Variants in ZNF536 observed in about 807,000 individuals in gnomAD.
ZNF536 encodes zinc finger protein 536.
ZNF536 carries 13 observed loss-of-function variants against 84.5 expected under a neutral mutation model. The observed-to-expected ratio is 0.15, with a 90% CI of 0.10 to 0.24. The LOEUF (loss-of-function observed/expected upper bound fraction) is 0.24. Among genes scored for constraint, ZNF536 ranks in the 10% least tolerant of loss-of-function variants. ZNF536 has a pLI of 1.00. For synonymous variants in ZNF536, 811 were observed against 742.5 expected (o/e 1.09, Z -1.50); for missense variants, 1,536 against 1,747.5 (o/e 0.88, Z 2.16).
At chr19:30,592,358 G>A (rs996439874) in intron 1 of ZNF536, among the ~76,000 whole-genome samples, 9 of 152,112 alleles carry the variant, frequency 5.9e-5, no homozygotes, top group South Asian at 2.1e-4. Context: ...TTCCCCTTCC[G>A]GCAACTTATT....
intron 1 of ZNF536, among the ~76,000 whole-genome samples, chr19:30,244,311 T>G (rs879266541): frequency 1.3e-5 from 2 of 151,550 alleles, no homozygotes; most frequent in Non-Finnish European, 1.5e-5. Flanking sequence ...CCCCCACCCC[T>G]CAGGTGCTGT....
At chr19:30,532,015 T>G (rs1000106648) in intron 2 of ZNF536, among the ~76,000 whole-genome samples, 8 of 152,210 alleles carry the variant, frequency 5.3e-5, no homozygotes, top group African/African-American at 1.9e-4. Flanking sequence ...TCCTGCAGCT[T>G]TATTCCACAG....
intron 4 of ZNF536, among the ~76,000 whole-genome samples, chr19:30,550,042 G>T (rs774042859): frequency 1.3e-5 from 2 of 152,214 alleles, no homozygotes; most frequent in Non-Finnish European, 2.9e-5. Context: ...CAAAGAGGGA[G>T]ATGGTTTCTG....
chr19:30,545,559 G>A (rs1416783040), intron 3 of ZNF536, among the ~76,000 whole-genome samples: 8 of 151,584 alleles, frequency 5.3e-5, no homozygotes, highest in African/African-American at 1.7e-4. Flanking sequence ...CACCACGCCC[G>A]GCTAATTGTT....
intron 2 of ZNF536, among the ~76,000 whole-genome samples, chr19:30,486,290 C>A (rs2054298896): frequency 6.6e-6 from 1 of 152,140 alleles, no homozygotes; most frequent in Non-Finnish European, 1.5e-5. Flanking sequence ...TGTGTTGTTC[C>A]CCTCCCTGTG....
intron 2 of ZNF536, among the ~76,000 whole-genome samples, chr19:30,347,383 A>T (rs2047779999): frequency 6.6e-6 from 1 of 152,180 alleles, no homozygotes; most frequent in Non-Finnish European, 1.5e-5. Flanking sequence ...AGAACATTTG[A>T]TAGAGGTGGA....
At chr19:30,636,772 T>A (rs2147291061) in intron 1 of ZNF536, among the ~76,000 whole-genome samples, 1 of 152,252 alleles carries the variant, frequency 6.6e-6, no homozygotes, top group East Asian at 1.9e-4. Flanking sequence ...TAGAGTGGGA[T>A]CATTTTCTGG....
chr19:30,282,682 G>A (rs2045492211), intron 1 of ZNF536, among the ~76,000 whole-genome samples: 1 of 152,246 alleles, frequency 6.6e-6, no homozygotes, highest in Non-Finnish European at 1.5e-5. Flanking sequence ...TGGGTGCTGG[G>A]GACCTGTTTA....
At position 30,332,222 on chromosome 19, in the gene ZNF536, A is replaced by C. The variant is rs575991423; in HGVS notation, c.-119-20146A>C. 2.6e-5 allele frequency among the ~76,000 whole-genome samples: 4 copies of C among 152,200 alleles called. No homozygotes were observed. The East Asian group carries it at 7.7e-4, about 29-fold the overall frequency. ...CAGCTACTGATCTCATCTCCATTAA[A>C]ATGCAGAAGTCTTGTAGGATCTTCC... On this transcript the variant is annotated intron_variant, in intron 2 of 5. Transcript: ENST00000585628.
At chr19:30,277,550 G>A (rs189218286) in intron 1 of ZNF536, among the ~76,000 whole-genome samples, 4 of 152,306 alleles carry the variant, frequency 2.6e-5, no homozygotes, top group African/African-American at 4.8e-5. Flanking sequence ...AGCCCTACGC[G>A]CTCTGTGTTA....
intron 1 of ZNF536, among the ~76,000 whole-genome samples, chr19:30,703,912 A>T (rs928265155): frequency 3.3e-5 from 5 of 152,316 alleles, no homozygotes; most frequent in Admixed American, 3.3e-4. Flanking sequence ...AAGGTCAGAG[A>T]GAGAGAAGAT....
intron 1 of ZNF536, among the ~76,000 whole-genome samples, chr19:30,651,010 G>A (rs2049680459): frequency 6.6e-6 from 1 of 152,238 alleles, no homozygotes; most frequent in Admixed American, 6.5e-5. Context: ...ATAATTCAAA[G>A]TACAGTCAGA....
intron 1 of ZNF536, among the ~76,000 whole-genome samples, chr19:30,600,041 T>G (rs2047627649): frequency 9.0e-6 from 1 of 111,676 alleles, no homozygotes; most frequent in South Asian, 2.6e-4. Flanking sequence ...TGCTCCTAGC[T>G]GTTTTTTTTT....
At chr19:30,518,481 T>C (rs1343137375) in intron 2 of ZNF536, among the ~76,000 whole-genome samples, 2 of 152,184 alleles carry the variant, frequency 1.3e-5, no homozygotes, top group African/African-American at 4.8e-5. Flanking sequence ...CCTGTGCAAT[T>C]TTCCCCGAAG....
At position 30,488,157 on chromosome 19, in the gene ZNF536, T is replaced by C. The variant is rs2054369538; in HGVS notation, c.2170+42425T>C. Among the ~76,000 whole-genome samples, 4 of 152,346 alleles carry C rather than the reference T, an allele frequency of 2.6e-5. No homozygotes were observed. In the South Asian group the frequency reaches 8.3e-4, roughly 32 times the overall value. Reference sequence around the variant, plus strand: ...ATCTACTTACAGATTTCCCTCCCAGTGTGGGATGACTATCCCTAGACCTTC... The same window carrying C: ...ATCTACTTACAGATTTCCCTCCCAGCGTGGGATGACTATCCCTAGACCTTC... On this transcript the variant is annotated intron_variant, in intron 2 of 4. Coordinates refer to ENST00000355537, the MANE Select transcript of ZNF536 (RefSeq NM_014717.3).
At chr19:30,382,716 G>A (rs1035888322) in intron 1 of ZNF536, among the ~76,000 whole-genome samples, 8 of 152,118 alleles carry the variant, frequency 5.3e-5, no homozygotes, top group African/African-American at 9.7e-5. Flanking sequence ...AGAAGCTACC[G>A]CAGAGGTGGA....
intron 1 of ZNF536, among the ~76,000 whole-genome samples, chr19:30,394,515 G>GT (rs2049731819): frequency 2.0e-5 from 3 of 152,056 alleles, no homozygotes; most frequent in African/African-American, 7.3e-5. Flanking sequence ...CATCTCTTAC[G>GT]TCTGCTCGGC....
chr19:30,521,038 C>T (rs2044301584), intron 2 of ZNF536, among the ~76,000 whole-genome samples: 1 of 152,202 alleles, frequency 6.6e-6, no homozygotes, highest in Non-Finnish European at 1.5e-5. Flanking sequence ...GCACTCAGAC[C>T]CTCTGTGACT....
rs531445646 is a variant in ZNF536 at position 30,356,197 on chromosome 19, A to T, written c.-3+3713A>T. On this transcript the variant is annotated intron_variant, in intron 3 of 5. Coordinates refer to the ZNF536 transcript ENST00000585628. Reference sequence around the variant, plus strand: ...TCAGGGCATGGTTGTCCAGCCTTCTATAGCTTTATCCTTTAGAAAGACCTC... The same window carrying T: ...TCAGGGCATGGTTGTCCAGCCTTCTTTAGCTTTATCCTTTAGAAAGACCTC... Among the ~76,000 whole-genome samples, 6 of 152,248 alleles carry T rather than the reference A, an allele frequency of 3.9e-5. No homozygotes were observed. The South Asian group carries it at 1.2e-3, about 31-fold the overall frequency.
Sources: allele counts gnomAD v4.1 joint callset (sites outside exome capture counted in the v4.1 genomes callset), GRCh38; gene constraint gnomAD v4.1.1; transcripts MANE v1.5; gene names NCBI Gene and HGNC (gene_info 2026-07-23, HGNC 2026-07-21).